SLC22A24: variants seen among roughly 807,000 people sequenced by gnomAD.
SLC22A24 encodes steroid transmembrane transporter SLC22A24.
Under a neutral mutation model 49.8 loss-of-function variants are expected in SLC22A24, and 53 were observed. The observed-to-expected ratio is 1.06, with a 90% confidence interval of 0.85 to 1.34. SLC22A24 has a LOEUF of 1.34. SLC22A24 is among the 40% of genes most tolerant of loss of function. The pLI, the probability that SLC22A24 is intolerant of heterozygous loss-of-function variation, is 0.00. For missense variants in SLC22A24, 786 were observed against 675.9 expected, an observed-to-expected ratio of 1.16 and a Z score of -1.81; for synonymous variants, 302 against 256.4, an observed-to-expected ratio of 1.18 and a Z score of -1.70.
At chr11:63,088,664 A>G (rs1280756321) in intron 6 of SLC22A24, among the ~76,000 whole-genome samples, 1 of 152,168 alleles carries the variant, frequency 6.6e-6, no homozygotes, top group Non-Finnish European at 1.5e-5. Flanking sequence ...CAAGGCAAGG[A>G]AGATAAGAAC....
intron 2 of SLC22A24, among the ~76,000 whole-genome samples, chr11:63,122,217 A>G (rs2087257009): frequency 6.6e-6 from 1 of 152,158 alleles, no homozygotes; most frequent in African/African-American, 2.4e-5. Context: ...GGATGTGGCA[A>G]GTAATATACG....
At chr11:63,125,263 T>C (rs1209991683) in intron 2 of SLC22A24, among the ~76,000 whole-genome samples, 1 of 152,052 alleles carries the variant, frequency 6.6e-6, no homozygotes, top group African/African-American at 2.4e-5. Context: ...ACCCATTAAC[T>C]TGTCATCTAC....
chr11:63,122,280 A>G (rs917306569), intron 2 of SLC22A24, among the ~76,000 whole-genome samples: 2 of 152,176 alleles, frequency 1.3e-5, no homozygotes, highest in African/African-American at 4.8e-5. Flanking sequence ...ACGCTCTTTC[A>G]TAGAAATTAA....
intron 2 of SLC22A24, among the ~76,000 whole-genome samples, chr11:63,121,111 A>G (rs2087248452): frequency 6.6e-6 from 1 of 152,166 alleles, no homozygotes; most frequent in South Asian, 2.1e-4. Context: ...GTACAACACA[A>G]ACACTGAGCC....
chr11:63,105,195 C>T (rs538711785), intron 4 of SLC22A24, among the ~76,000 whole-genome samples: 46 of 152,370 alleles, frequency 3.0e-4, no homozygotes, highest in Non-Finnish European at 5.3e-4. Context: ...TACAGCCCCT[C>T]TACTGGATGC....
intron 5 of SLC22A24, among the ~76,000 whole-genome samples, chr11:63,102,548 T>G (rs1297175594): frequency 2.0e-5 from 3 of 152,116 alleles, no homozygotes; most frequent in Admixed American, 6.6e-5. Context: ...ATCTGCCATG[T>G]TTTTGAGAAA....
intron 5 of SLC22A24, among the ~76,000 whole-genome samples, chr11:63,102,589 T>C (rs544935512): frequency 6.6e-6 from 1 of 152,248 alleles, no homozygotes; most frequent in East Asian, 1.9e-4. Context: ...GCACACATGA[T>C]AGCGTGGGAT....
chr11:63,120,813 A>G (rs939236757), intron 2 of SLC22A24, among the ~76,000 whole-genome samples: 2 of 152,206 alleles, frequency 1.3e-5, no homozygotes, highest in African/African-American at 2.4e-5. Flanking sequence ...ATGTTTATAT[A>G]GAATATATTT....
chr11:63,141,143 A>G (rs950655188), intron 1 of SLC22A24, among the ~76,000 whole-genome samples: 1 of 152,230 alleles, frequency 6.6e-6, no homozygotes, highest in African/African-American at 2.4e-5. Flanking sequence ...TAAAAATCTT[A>G]TCTTATGGTC....
Position 63,113,059 on chromosome 11 carries a change from T to TATATAC in SLC22A24, c.830+5852_830+5853insGTATAT, listed in dbSNP as rs1565332042. Among the ~76,000 whole-genome samples the TATATAC allele has an allele frequency of 1.9e-3, 5 of 2,610 alleles. 1 individual carries two copies. The highest frequency in any genetic ancestry group is 2.2e-3 in the African/African-American group (5 of 2,294). 1.7% of individuals were successfully genotyped at this position (2,610 alleles called of 152,430 possible). On this transcript the variant is annotated intron_variant, in intron 4 of 9. Coordinates refer to ENST00000612278, the MANE Select transcript of SLC22A24 (RefSeq NM_001136506.2). ...AAATATATATATATATATATACATA[T>TATATAC]ATATATATACATATATATACACATA... is the stretch of plus-strand genomic sequence containing the variant.
chr11:63,095,320 C>T (rs2087047136), intron 6 of SLC22A24, among the ~76,000 whole-genome samples: 1 of 151,992 alleles, frequency 6.6e-6, no homozygotes, highest in Admixed American at 6.6e-5. Context: ...GGAAAAAAAT[C>T]CAAAACCCAT....
At chr11:63,134,638 C>T (rs2087359818) in intron 2 of SLC22A24, 27 bp downstream of exon 2, 5 of 1,282,372 alleles carry the variant, frequency 3.9e-6, no homozygotes, top group Admixed American at 2.0e-5. Context: ...TGATAAACAG[C>T]CCCAAAGAAA....
intron 4 of SLC22A24, chr11:63,115,882 C>T: frequency 3.7e-6 from 1 of 269,042 alleles, no homozygotes. Context: ...GATATCCACT[C>T]TGAAGTCTTT....
At position 63,111,624 on chromosome 11, in the gene SLC22A24, A is replaced by G. The variant is rs2087165607; in HGVS notation, c.830+7288T>C. On this transcript the variant is annotated intron_variant, in intron 4 of 9. Coordinates refer to ENST00000612278, the MANE Select transcript of SLC22A24 (RefSeq NM_001136506.2). ...TTTATCCATTTCTTCTAGATTTTCT[A>G]GTTTATTTGTGTAGAGGTGTTTGTA... Among the ~76,000 whole-genome samples the G allele has an allele frequency of 2.0e-5, 3 of 150,454 alleles. No homozygotes were observed. In the South Asian group the frequency reaches 6.3e-4, roughly 31 times the overall value.
chr11:63,095,621 C>T (rs2087049118), intron 6 of SLC22A24, among the ~76,000 whole-genome samples: 1 of 151,996 alleles, frequency 6.6e-6, no homozygotes, highest in South Asian at 2.1e-4. Flanking sequence ...GTGGTGGTTA[C>T]ATAGTTTTAT....
At chr11:63,108,933 T>C (rs1435947315) in intron 4 of SLC22A24, among the ~76,000 whole-genome samples, 1 of 147,532 alleles carries the variant, frequency 6.8e-6, no homozygotes, top group Non-Finnish European at 1.5e-5. Flanking sequence ...GCCATGCTGG[T>C]GTGCTGCACC....
intron 1 of SLC22A24, among the ~76,000 whole-genome samples, chr11:63,141,415 G>A (rs778391466): frequency 1.6e-4 from 25 of 152,124 alleles, no homozygotes; most frequent in Non-Finnish European, 2.6e-4. Flanking sequence ...CCCCTCCATC[G>A]GAGTAAAGGA....
intron 1 of SLC22A24, among the ~76,000 whole-genome samples, chr11:63,138,385 G>C (rs1375405911): frequency 6.6e-6 from 1 of 152,102 alleles, no homozygotes; most frequent in Non-Finnish European, 1.5e-5. Context: ...GCTTACACCT[G>C]TAATCCCAGC....
At chr11:63,094,515 C>T (rs1015551996) in intron 6 of SLC22A24, among the ~76,000 whole-genome samples, 7 of 152,090 alleles carry the variant, frequency 4.6e-5, no homozygotes, top group South Asian at 2.1e-4. Context: ...ATGGCTGGGT[C>T]GACTGGTATT....
Sources: allele counts gnomAD v4.1 joint callset (sites outside exome capture counted in the v4.1 genomes callset), GRCh38; gene constraint gnomAD v4.1.1; transcripts MANE v1.5; gene names NCBI Gene and HGNC (gene_info 2026-07-23, HGNC 2026-07-21).